CACNA1D: variants seen among roughly 807,000 people sequenced by gnomAD.
CACNA1D encodes the protein voltage-dependent L-type calcium channel subunit alpha-1D.
Under a neutral mutation model 257.1 loss-of-function variants are expected in CACNA1D, and 55 were observed. The observed-to-expected ratio is 0.21, with a 90% CI of 0.17 to 0.27. The LOEUF is 0.27. Ranked by LOEUF, CACNA1D falls within the 10% of genes least tolerant of loss-of-function variation. The probability of loss-of-function intolerance (pLI) is 1.00; values close to 1 mark genes in which losing one functional copy is unlikely to be tolerated. For missense variants in CACNA1D, 1,876 were observed against 2,784.0 expected, an observed-to-expected ratio of 0.67 and a Z score of 7.34; for synonymous variants, 980 against 1,014.9, an observed-to-expected ratio of 0.97 and a Z score of 0.65.
chr3:53,683,781 C>T (rs2094452190), intron 8 of CACNA1D, among the ~76,000 whole-genome samples: 1 of 152,090 alleles, frequency 6.6e-6, no homozygotes, highest in Non-Finnish European at 1.5e-5. Flanking sequence ...TTGATGAGGG[C>T]TTAGTGATCT....
At chr3:53,519,567 A>G (rs556738627) in intron 3 of CACNA1D, among the ~76,000 whole-genome samples, 29 of 152,326 alleles carry the variant, frequency 1.9e-4, no homozygotes, top group Admixed American at 1.7e-3. Context: ...GAGGCAAAGA[A>G]TAACAGAATT....
chr3:53,499,471 C>T (rs2090497652), intron 2 of CACNA1D, among the ~76,000 whole-genome samples: 1 of 152,026 alleles, frequency 6.6e-6, no homozygotes, highest in Non-Finnish European at 1.5e-5. Context: ...GACAGAGTGT[C>T]CTGCCCCCTG....
intron 8 of CACNA1D, among the ~76,000 whole-genome samples, chr3:53,699,301 A>G (rs1396490162): frequency 6.6e-6 from 1 of 152,144 alleles, no homozygotes; most frequent in East Asian, 1.9e-4. Flanking sequence ...TCTCCCTTTG[A>G]TAATTTGAGA....
At position 53,673,684 on chromosome 3, in the gene CACNA1D, C is replaced by G. The variant is rs769274073; in HGVS notation, c.1220+558C>G. The G allele has an allele frequency of 2.0e-6, 3 of 1,511,362 alleles. No individual in the cohort carries two copies. The highest frequency in any genetic ancestry group is 2.8e-6 in the Non-Finnish European group (3 of 1,086,170). The allele number at this position is 1,511,362 out of a possible 1,614,324, so 93.6% of individuals were successfully genotyped here. A position where few individuals can be genotyped will look rare whatever the true frequency, so the allele number is the denominator to read the frequency against. On this transcript the variant is annotated intron_variant, in intron 8 of 47. Transcript: ENST00000350061. The surrounding 1 kb of genome is among the most constrained non-coding windows in gnomAD (Gnocchi z 4.1). ...GCTCTGCTCTTTAGTAAATGGATAA[C>G]TGATAACTGATCTCCTTACATTTTA...
chr3:53,580,604 G>A (rs1157076199), intron 3 of CACNA1D, among the ~76,000 whole-genome samples: 2 of 152,220 alleles, frequency 1.3e-5, no homozygotes. Flanking sequence ...TCTAGATGCA[G>A]GGACAGTTTT....
intron 3 of CACNA1D, among the ~76,000 whole-genome samples, chr3:53,617,355 G>A (rs186094783): frequency 6.6e-6 from 1 of 152,278 alleles, no homozygotes; most frequent in East Asian, 1.9e-4. Context: ...TAGGCTAAGA[G>A]CACAGGTCTT....
intron 19 of CACNA1D, 113 bp downstream of exon 19, chr3:53,733,075 C>G: frequency 1.0e-6 from 1 of 996,832 alleles, no homozygotes; most frequent in South Asian, 1.4e-5. Flanking sequence ...CCTTTCTGAA[C>G]CTGAGTGTCC....
Position 53,774,523 on chromosome 3 carries a change from C to G in CACNA1D, c.4111-64C>G, listed in dbSNP as rs1231259574. The G allele has an allele frequency of 1.0e-6, 1 of 975,534 alleles. No homozygotes were observed. The highest frequency in any genetic ancestry group is 1.7e-5 in the Admixed American group (1 of 58,942). The allele number at this position is 975,534 out of a possible 1,614,324, so 60.4% of individuals were successfully genotyped here. On this transcript the variant is annotated intron_variant, in intron 33 of 47. Transcript: ENST00000350061. This position sits in a 1 kb window ranked among gnomAD's most constrained non-coding sequence, Gnocchi z 4.3. ...ATCAAACCTGAGTTAGTTCTAAATT[C>G]ACATACGGATTTTTTTTGCATGACG... is the stretch of plus-strand genomic sequence containing the variant.
intron 3 of CACNA1D, among the ~76,000 whole-genome samples, chr3:53,538,468 T>C (rs2092198291): frequency 6.6e-6 from 1 of 152,188 alleles, no homozygotes; most frequent in Non-Finnish European, 1.5e-5. Flanking sequence ...GTTTTTGAAG[T>C]TTTGACTTAA....
At chr3:53,560,589 G>T (rs958365459) in intron 3 of CACNA1D, among the ~76,000 whole-genome samples, 3 of 152,178 alleles carry the variant, frequency 2.0e-5, no homozygotes, top group African/African-American at 7.2e-5. Context: ...AAATATTTTA[G>T]TCTTGTGGTC....
At chr3:53,721,202 G>C (rs1000176850) in intron 11 of CACNA1D, among the ~76,000 whole-genome samples, 13 of 152,350 alleles carry the variant, frequency 8.5e-5, no homozygotes, top group African/African-American at 3.1e-4. Flanking sequence ...TGCACAGCAA[G>C]AGTAATAATA....
At chr3:53,778,959 C>G (rs2095412087) in intron 37 of CACNA1D, among the ~76,000 whole-genome samples, 1 of 152,218 alleles carries the variant, frequency 6.6e-6, no homozygotes. Flanking sequence ...GGCCCTGTGC[C>G]TGGCCCATTG....
intron 8 of CACNA1D, among the ~76,000 whole-genome samples, chr3:53,683,280 C>T (rs1005531897): frequency 6.6e-6 from 1 of 152,160 alleles, no homozygotes; most frequent in African/African-American, 2.4e-5. Flanking sequence ...TGGTTCTGCT[C>T]AGCTGTAGTG....
In CACNA1D at chr3:53,673,217, G is replaced by A. The variant is rs1037735573; in HGVS notation, c.1220+91G>A. 4.9e-6 allele frequency: 4 copies of A among 815,454 alleles called. No individual in the cohort carries two copies. Among genetic ancestry groups the A allele is most frequent in the Non-Finnish European group, 8.2e-6 (4 of 489,170 alleles). 50.5% of individuals were successfully genotyped at this position (815,454 alleles called of 1,614,324 possible). Reference sequence around the variant, plus strand: ...TTGCTGGATGAGGGCCGCCAAGAGGGGTTGCCAGACATTTTATGTGTCCTC... The same window carrying A: ...TTGCTGGATGAGGGCCGCCAAGAGGAGTTGCCAGACATTTTATGTGTCCTC... On this transcript the variant is annotated intron_variant, in intron 8 of 47. Coordinates refer to ENST00000350061, the MANE Select transcript of CACNA1D (RefSeq NM_001128840.3). This position sits in a 1 kb window ranked among gnomAD's most constrained non-coding sequence, Gnocchi z 4.1.
intron 3 of CACNA1D, among the ~76,000 whole-genome samples, chr3:53,601,726 A>G (rs921859275): frequency 1.1e-4 from 17 of 152,020 alleles, no homozygotes; most frequent in African/African-American, 3.4e-4. Flanking sequence ...TTTGAGACGG[A>G]GTCTCACTCT....
At chr3:53,519,256 A>G (rs2091461293) in intron 3 of CACNA1D, among the ~76,000 whole-genome samples, 1 of 152,234 alleles carries the variant, frequency 6.6e-6, no homozygotes, top group Admixed American at 6.5e-5. Flanking sequence ...AGAAGTAGAC[A>G]GAATTGCTTC....
intron 3 of CACNA1D, among the ~76,000 whole-genome samples, chr3:53,589,175 G>C (rs2093265756): frequency 1.3e-5 from 2 of 152,100 alleles, no homozygotes; most frequent in Admixed American, 1.3e-4. Flanking sequence ...TTGTTTATGA[G>C]ACCCTATCCT....
In CACNA1D at chr3:53,495,231, A is replaced by G; in HGVS notation, c.65A>G (p.Asn22Ser). 1 of 1,613,734 alleles carries G rather than the reference A, an allele frequency of 6.2e-7. No homozygotes were observed. The highest frequency in any genetic ancestry group is 8.5e-7 in the Non-Finnish European group (1 of 1,180,004). ...CGGCAGCAGCAAGCGGACCACGCGAACGGTGAGCAGCCAGAGCCCGGGCAC... is the reference window on the plus strand; with the variant it reads ...CGGCAGCAGCAAGCGGACCACGCGAGCGGTGAGCAGCCAGAGCCCGGGCAC... ...HQRQQQADHA[N>S]EANYARGTRL... is the part of the protein sequence containing the mutation. The change falls in exon 1 of 48, where the codon AAC (asparagine) becomes AGC (serine). Residue 22 changes from asparagine to serine, a missense_variant and splice_region_variant. Asn to Ser is a conservative substitution (Grantham distance 46). Coordinates refer to ENST00000350061, the MANE Select transcript of CACNA1D (RefSeq NM_001128840.3). The surrounding 1 kb of genome is among the most constrained non-coding windows in gnomAD (Gnocchi z 5.1).
chr3:53,776,201 C>A (rs565524794), intron 35 of CACNA1D, among the ~76,000 whole-genome samples, 156 bp downstream of exon 35: 1 of 152,268 alleles, frequency 6.6e-6, no homozygotes, highest in South Asian at 2.1e-4. Context: ...TTTGTTTAAC[C>A]AGGCGTGTGT....
Sources: allele counts gnomAD v4.1 joint callset (sites outside exome capture counted in the v4.1 genomes callset), GRCh38; gene constraint gnomAD v4.1.1; non-coding constraint Gnocchi (gnomAD v3.1); transcripts MANE v1.5; gene names NCBI Gene and HGNC (gene_info 2026-07-23, HGNC 2026-07-21).